The following CTCF variants were observed in gnomAD, a reference collection of about 807,000 sequenced individuals.
CTCF encodes the protein transcriptional repressor CTCF.
In CTCF, 7 loss-of-function variants were observed where a neutral mutation model predicts 72.3. The observed-to-expected ratio is 0.10, with a 90% CI of 0.06 to 0.18. The LOEUF is 0.18. Ranked by LOEUF, CTCF falls within the 10% of genes least tolerant of loss-of-function variation. The probability of loss-of-function intolerance (pLI) is 1.00; values close to 1 mark genes in which losing one functional copy is unlikely to be tolerated. For missense variants in CTCF, 516 were observed against 949.1 expected (o/e 0.54, Z 6.00); for synonymous variants, 374 against 315.8 (o/e 1.18, Z -1.95).
chr16:67,591,721 T>TG (rs1555532316), intron 2 of CTCF, among the ~76,000 whole-genome samples: 266 of 150,632 alleles, frequency 1.8e-3, no homozygotes, highest in South Asian at 0.011. Context: ...TTACTTTTTT[T>TG]GGGGGGGGGC....
chr16:67,620,925 C>A (rs776646265), intron 6 of CTCF, 108 bp downstream of exon 6: 3 of 893,246 alleles, frequency 3.4e-6, no homozygotes, highest in Non-Finnish European at 3.2e-6. Context: ...TGAAGACTGG[C>A]ATGAAAATAG....
At chr16:67,626,943 T>C (rs1420579148) in intron 8 of CTCF, 1 of 354,476 alleles carries the variant, frequency 2.8e-6, no homozygotes, top group Non-Finnish European at 5.0e-6. Flanking sequence ...GCAGACATCT[T>C]TCTGAAAACT....
intron 2 of CTCF, among the ~76,000 whole-genome samples, chr16:67,590,813 C>T (rs529953096): frequency 6.6e-5 from 10 of 151,714 alleles, no homozygotes; most frequent in East Asian, 4.0e-4. Context: ...AAATATTAGC[C>T]GGACATGATG....
At chr16:67,576,141 A>T (rs1022479770) in intron 2 of CTCF, among the ~76,000 whole-genome samples, 9 of 115,258 alleles carry the variant, frequency 7.8e-5, no homozygotes, top group African/African-American at 2.6e-4. Context: ...ACCCTGTCTT[A>T]AAAAAAAAAA....
chr16:67,622,171 A>G (rs1330587007), intron 7 of CTCF, among the ~76,000 whole-genome samples: 1 of 152,248 alleles, frequency 6.6e-6, no homozygotes, highest in South Asian at 2.1e-4. Flanking sequence ...TCTGGCTAAC[A>G]TGGTGAAACC....
intron 7 of CTCF, among the ~76,000 whole-genome samples, chr16:67,624,064 A>T (rs1271498436): frequency 6.9e-5 from 8 of 115,780 alleles, no homozygotes; most frequent in South Asian, 2.9e-4. Context: ...AAAAAAAAAA[A>T]TTATATATGT....
intron 2 of CTCF, among the ~76,000 whole-genome samples, chr16:67,601,848 C>T (rs28421035): frequency 0.15 from 22,315 of 149,160 alleles, 2,600 homozygotes; most frequent in African/African-American, 0.32. Flanking sequence ...AGGTTGGACT[C>T]GGTTGTTTAC....
chr16:67,610,615 A>C (rs1164026946), intron 2 of CTCF: 1 of 244,672 alleles, frequency 4.1e-6, no homozygotes, highest in Non-Finnish European at 7.8e-6. Context: ...CAGCCTCCCA[A>C]AGTGCTGGGA....
At chr16:67,576,610 G>C (rs1178366963) in intron 2 of CTCF, among the ~76,000 whole-genome samples, 3 of 140,138 alleles carry the variant, frequency 2.1e-5, no homozygotes, top group African/African-American at 5.6e-5. Context: ...CTGGAGTGCA[G>C]TGGCACGATC....
chr16:67,615,594 A>T (rs2052121717), intron 4 of CTCF: 1 of 152,174 alleles, frequency 6.6e-6, no homozygotes, highest in Non-Finnish European at 1.5e-5. Context: ...CCACTGGGTA[A>T]CAGAGGAAGA....
intron 10 of CTCF, among the ~76,000 whole-genome samples, chr16:67,631,172 G>GTTT (rs367618037): frequency 1.6e-5 from 2 of 121,436 alleles, no homozygotes; most frequent in Non-Finnish European, 3.4e-5. Flanking sequence ...TTTGTTTTTT[G>GTTT]TTTTTTTTTT....
At chr16:67,626,107 A>G (rs1436395833) in intron 7 of CTCF, among the ~76,000 whole-genome samples, 1 of 151,834 alleles carries the variant, frequency 6.6e-6, no homozygotes, top group African/African-American at 2.4e-5. Flanking sequence ...CTGCCTTTTC[A>G]TTCATTTTCT....
intron 1 of CTCF, among the ~76,000 whole-genome samples, chr16:67,568,763 C>T (rs181157066): frequency 6.6e-6 from 1 of 152,224 alleles, no homozygotes; most frequent in East Asian, 1.9e-4. Context: ...CTCCTAGGCT[C>T]GAGCAGTCCT....
chr16:67,600,296 T>C (rs1430637126), intron 2 of CTCF, among the ~76,000 whole-genome samples: 1 of 152,082 alleles, frequency 6.6e-6, no homozygotes, highest in South Asian at 2.1e-4. Flanking sequence ...TGGAGTTCAA[T>C]GGTGTAATCT....
chr16:67,634,468 A>G (rs1301561653), intron 10 of CTCF, among the ~76,000 whole-genome samples: 1 of 150,986 alleles, frequency 6.6e-6, no homozygotes, highest in East Asian at 1.9e-4. Flanking sequence ...TCGGCCTCCT[A>G]AAGTGCTGGG....
intron 10 of CTCF, among the ~76,000 whole-genome samples, chr16:67,629,926 C>T (rs189065628): frequency 6.6e-6 from 1 of 151,192 alleles, no homozygotes; most frequent in Non-Finnish European, 1.5e-5. Flanking sequence ...AGGCGCCCAC[C>T]ACCAGGCCTG....
intron 9 of CTCF, among the ~76,000 whole-genome samples, chr16:67,629,015 G>A (rs2052327809): frequency 6.6e-6 from 1 of 151,388 alleles, no homozygotes; most frequent in African/African-American, 2.4e-5. Flanking sequence ...TGGCACCACT[G>A]CACTCCAGCC....
At chr16:67,589,645 G>A (rs1477819307) in intron 2 of CTCF, among the ~76,000 whole-genome samples, 2 of 151,990 alleles carry the variant, frequency 1.3e-5, no homozygotes, top group African/African-American at 4.8e-5. Flanking sequence ...ACTGAACCTC[G>A]TGCAGAAGAC....
Position 67,638,138 on chromosome 16 carries a change from T to C in CTCF, c.*266T>C. The C allele has an allele frequency of 2.6e-6, 1 of 381,518 alleles. No homozygotes were observed. The highest frequency in any genetic ancestry group is 4.1e-5 in the Admixed American group (1 of 24,534). 23.6% of individuals were successfully genotyped at this position (381,518 alleles called of 1,614,324 possible). A position where few individuals can be genotyped will look rare whatever the true frequency, so the allele number is the denominator to read the frequency against. On this transcript the variant is annotated 3_prime_UTR_variant, in exon 12 of 12. Coordinates refer to ENST00000264010, the MANE Select transcript of CTCF (RefSeq NM_006565.4). Reference sequence around the variant, plus strand: ...GGACAGTGTTGACAACTAACTCGTTTTCCTAGATGGAAACGGAGACATTGA... The same window carrying C: ...GGACAGTGTTGACAACTAACTCGTTCTCCTAGATGGAAACGGAGACATTGA...
Sources: allele counts gnomAD v4.1 joint callset (sites outside exome capture counted in the v4.1 genomes callset), GRCh38; gene constraint gnomAD v4.1.1; transcripts MANE v1.5; gene names NCBI Gene and HGNC (gene_info 2026-07-23, HGNC 2026-07-21).